Variants in TRPA1 observed in about 807,000 individuals in gnomAD.
TRPA1 encodes the protein transient receptor potential cation channel subfamily A member 1.
In TRPA1, 129 loss-of-function variants were observed where a neutral mutation model predicts 131.3. The ratio of observed to expected loss-of-function variants is 0.98; its 90% confidence interval spans 0.85 to 1.14. The LOEUF (loss-of-function observed/expected upper bound fraction) is 1.14. Ranked by LOEUF, TRPA1 falls within the 50% of genes most tolerant of loss-of-function variation. The pLI is 0.00. For missense variants in TRPA1, 1,304 were observed against 1,354.2 expected (o/e 0.96, Z 0.58); for synonymous variants, 441 against 451.7 (o/e 0.98, Z 0.30).
upstream of TRPA1, among the ~76,000 whole-genome samples, chr8:72,077,320 G>A (rs1185648261): frequency 2.0e-5 from 3 of 151,826 alleles, no homozygotes; most frequent in African/African-American, 7.3e-5. Context: ...GCCAGTGCAG[G>A]GAACTCCAGC....
At chr8:72,037,923 A>C in intron 20 of TRPA1, 60 bp downstream of exon 20, 2 of 989,412 alleles carry the variant, frequency 2.0e-6, no homozygotes, top group South Asian at 2.7e-5. Context: ...CTTATCAATT[A>C]ACTTATGTTC....
In TRPA1 at chr8:72,032,093, A is replaced by G. The variant is rs139726823; in HGVS notation, c.2868+1551T>C. 3.7e-3 allele frequency among the ~76,000 whole-genome samples: 571 copies of G among 152,336 alleles called. 3 individuals are homozygous for G. The highest frequency in any genetic ancestry group is 0.013 in the African/African-American group (545 of 41,570). ...AGTGTGGCACAATCATGGAGTGTGCATTTCTGGGTAAATCCTGGGAACAGT... is the reference window on the plus strand; with the variant it reads ...AGTGTGGCACAATCATGGAGTGTGCGTTTCTGGGTAAATCCTGGGAACAGT... On this transcript the variant is annotated intron_variant, in intron 23 of 26. Transcript: ENST00000262209.
intron 15 of TRPA1, among the ~76,000 whole-genome samples, chr8:72,047,730 G>T (rs1805377383): frequency 6.6e-6 from 1 of 151,906 alleles, no homozygotes; most frequent in Non-Finnish European, 1.5e-5. Flanking sequence ...CTTTTAAGGA[G>T]GGTATGAAAC....
rs763229310 is a variant in TRPA1 at position 72,071,699 on chromosome 8, A to G, written c.268+12T>C. 30 of 1,613,260 alleles carry G rather than the reference A, an allele frequency of 1.9e-5. No individual in the cohort carries two copies. Among genetic ancestry groups the G allele is most frequent in the Non-Finnish European group, 2.5e-5 (30 of 1,179,600 alleles). On this transcript the variant is annotated intron_variant, in intron 2 of 26. Transcript: ENST00000262209. ...AATGATTTCTGGAAGATGAATTGTAATATTTTGTTACCTTCCAAAGAGGAA... is the reference window on the plus strand; with the variant it reads ...AATGATTTCTGGAAGATGAATTGTAGTATTTTGTTACCTTCCAAAGAGGAA...
At chr8:72,068,843 T>A (rs1805988690) in intron 3 of TRPA1, among the ~76,000 whole-genome samples, 180 bp downstream of exon 3, 1 of 152,096 alleles carries the variant, frequency 6.6e-6, no homozygotes, top group African/African-American at 2.4e-5. Context: ...TTCAATAAAG[T>A]CAAAACTAAT....
chr8:72,052,658 C>A lies in TRPA1; in HGVS notation c.1752G>T (p.Leu584Phe). Residue 584 changes from leucine (L) to phenylalanine (F), a missense_variant, in exon 14 of 27, where the codon TTG (leucine) becomes TTT (phenylalanine). Physicochemically the swap from Leu to Phe is conservative, Grantham distance 22. Transcript: ENST00000262209. ...IVLNKQQASFLHLALHNKRKE... is the reference protein window; with the variant it reads ...IVLNKQQASFFHLALHNKRKE... ...TCCTCTTATTGTGAAGTGCAAGGTGCAAAAAGGAGGCCTGCTGCTTGTTCA... is the reference window on the plus strand; with the variant it reads ...TCCTCTTATTGTGAAGTGCAAGGTGAAAAAAGGAGGCCTGCTGCTTGTTCA... The A allele has an allele frequency of 1.9e-6, 3 of 1,613,714 alleles. No homozygotes were observed. The highest frequency in any genetic ancestry group is 2.5e-6 in the Non-Finnish European group (3 of 1,179,796).
chr8:72,034,307 C>T lies in TRPA1; in HGVS notation c.2626G>A (p.Val876Ile). 1 of 1,601,238 alleles carries T rather than the reference C, an allele frequency of 6.2e-7. No homozygotes were observed. Among genetic ancestry groups the T allele is most frequent in the Middle Eastern group, 1.7e-4 (1 of 5,892 alleles). The stretch of plus-strand genomic sequence containing the variant: ...AAAGCCAGAAGAAGGAAGATAAATA[C>T]AACTGTAGACCTCAACAAAGTTTTC... ...ILKTLLRSTVVFIFLLLAFGL... is the reference protein window; with the variant it reads ...ILKTLLRSTVIFIFLLLAFGL... The change falls in exon 22 of 27, where the codon GTA (valine) becomes ATA (isoleucine). Residue 876 changes from valine to isoleucine, a missense_variant. Transcript: ENST00000262209.
At chr8:72,046,661 A>T in intron 16 of TRPA1, 53 bp from the exon 17 acceptor site, 1 of 919,626 alleles carries the variant, frequency 1.1e-6, no homozygotes, top group South Asian at 1.5e-5. Flanking sequence ...CAAGTATAGA[A>T]TCCCCAAAGT....
rs778605140 is a variant in TRPA1, at chr8:72,038,941, A to G, written c.2219T>C (p.Ile740Thr). 1 of 1,613,180 alleles carries G rather than the reference A, an allele frequency of 6.2e-7. No individual in the cohort carries two copies. The highest frequency in any genetic ancestry group is 1.1e-5 in the South Asian group (1 of 91,048). Residue 740 changes from isoleucine (I) to threonine (T), a missense_variant, in exon 19 of 27, where the codon ATA becomes ACA. Transcript: ENST00000262209. Reference sequence around the variant, plus strand: ...TGAGTTGAAAGCCATTCCTGGTTTTATATTGACAACGAGAATGGTCATAGG... The same window carrying G: ...TGAGTTGAAAGCCATTCCTGGTTTTGTATTGACAACGAGAATGGTCATAGG... ...LIPMTILVVN[I>T]KPGMAFNSTG...
intron 4 of TRPA1, 77 bp downstream of exon 4, chr8:72,065,374 A>G: frequency 7.9e-7 from 1 of 1,271,278 alleles, no homozygotes; most frequent in Non-Finnish European, 1.1e-6. Flanking sequence ...AACTTAAGAG[A>G]TTTTGTAAAT....
chr8:72,026,117 T>C (rs1235559193), intron 24 of TRPA1, 44 bp from the exon 25 acceptor site: 3 of 1,486,428 alleles, frequency 2.0e-6, no homozygotes, highest in Admixed American at 1.7e-5. Flanking sequence ...TTAGTTAGTA[T>C]ATGGAATTTT....
chr8:72,045,196 C>T (rs1389269306), intron 17 of TRPA1, among the ~76,000 whole-genome samples: 2 of 151,896 alleles, frequency 1.3e-5, no homozygotes, highest in South Asian at 2.1e-4. Context: ...CAGTTGCCAT[C>T]ACCAGTGTTA....
At chr8:72,086,265 T>G in the TRPA1 span, among the ~76,000 whole-genome samples, 1 of 152,206 alleles carries the variant, frequency 6.6e-6, no homozygotes, top group Non-Finnish European at 1.5e-5. Context: ...AGCTTAAGAT[T>G]TTTATCAAAC....
At chr8:72,061,109 C>T (rs973504702) in intron 7 of TRPA1, among the ~76,000 whole-genome samples, 81 of 152,220 alleles carry the variant, frequency 5.3e-4, no homozygotes, top group African/African-American at 1.9e-3. Context: ...GCCTGATGTG[C>T]GTTTCTGTTA....
upstream of TRPA1, among the ~76,000 whole-genome samples, chr8:72,080,208 C>T (rs1372940929): frequency 2.0e-5 from 3 of 151,772 alleles, no homozygotes; most frequent in Non-Finnish European, 4.4e-5. Context: ...AGTGGATATC[C>T]TTACCTTTTT....
At chr8:72,084,794 G>A in the TRPA1 span, among the ~76,000 whole-genome samples, 1 of 151,584 alleles carries the variant, frequency 6.6e-6, no homozygotes, top group African/African-American at 2.4e-5. Context: ...TGGGATTACA[G>A]GTGCCTGCCA....
intron 8 of TRPA1, 131 bp from the exon 9 acceptor site, chr8:72,057,947 A>G (rs1475849486): frequency 1.5e-6 from 1 of 684,626 alleles, no homozygotes; most frequent in Admixed American, 2.5e-5. Context: ...CCATACGACT[A>G]GTTATAGAAT....
In TRPA1 at chr8:72,036,322, A is replaced by G. The variant is rs1379868867; in HGVS notation, c.2521T>C (p.Phe841Leu). Residue 841 changes from phenylalanine to leucine, a missense_variant, in exon 21 of 27, where the codon TTC becomes CTC. Phe to Leu is a conservative substitution (Grantham distance 22, BLOSUM62 0). Coordinates refer to ENST00000262209, the MANE Select transcript of TRPA1 (RefSeq NM_007332.3). ...QWQCGAIAVY[F>L]YWMNFLLYLQ... The stretch of plus-strand genomic sequence containing the variant: ...TACAATAAGAAATTCATCCAATAGA[A>G]GTAAACAGCAATTGCTCCACATTGC... The G allele has an allele frequency of 3.7e-6, 6 of 1,614,172 alleles. No homozygotes were observed. The South Asian group carries it at 6.6e-5, about 18-fold the overall frequency.
chr8:72,062,102 C>A, intron 6 of TRPA1: 1 of 312,990 alleles, frequency 3.2e-6, no homozygotes. Flanking sequence ...TAGGAAGTGA[C>A]TTCAGACCCC....
Sources: gnomAD v4.1 joint callset for allele counts (sites outside exome capture counted in the v4.1 genomes callset) on GRCh38, gnomAD v4.1.1 for gene constraint, MANE v1.5 for transcripts, NCBI Gene and HGNC (gene_info 2026-07-23, HGNC 2026-07-21) for gene names.